Variants in FBXO28 observed in about 807,000 individuals in gnomAD.
The protein encoded by FBXO28 is F-box only protein 28.
Under a neutral mutation model 38.1 loss-of-function variants are expected in FBXO28, and 8 were observed. The observed-to-expected ratio is 0.21, with a 90% CI of 0.12 to 0.38. The LOEUF (loss-of-function observed/expected upper bound fraction) is 0.38. Ranked by LOEUF, FBXO28 falls within the 10% of genes least tolerant of loss-of-function variation. FBXO28 has a pLI of 1.00. For synonymous variants in FBXO28, 168 were observed against 173.8 expected (o/e 0.97, Z 0.26); for missense variants, 345 against 460.6 (o/e 0.75, Z 2.30).
intron 3 of FBXO28, among the ~76,000 whole-genome samples, chr1:224,149,748 T>C (rs1292552712): frequency 6.6e-6 from 1 of 152,170 alleles, no homozygotes; most frequent in African/African-American, 2.4e-5. Flanking sequence ...AATTGTAATG[T>C]GTGTTCTGAA....
intron 2 of FBXO28, chr1:224,130,782 A>G: frequency 2.2e-6 from 1 of 457,604 alleles, no homozygotes; most frequent in South Asian, 3.3e-5. Context: ...AGCCAGAGAA[A>G]TTAGGCAAGA....
At chr1:224,141,981 T>G (rs1224146713) in intron 3 of FBXO28, among the ~76,000 whole-genome samples, 1 of 151,726 alleles carries the variant, frequency 6.6e-6, no homozygotes, top group African/African-American at 2.4e-5. Flanking sequence ...CGTGACCTCC[T>G]AGACTCAAGA....
At chr1:224,139,764 G>GCGTGCATACATACATA (rs1553290701) in intron 3 of FBXO28, among the ~76,000 whole-genome samples, 1 of 145,936 alleles carries the variant, frequency 6.9e-6, no homozygotes, top group African/African-American at 2.6e-5. Context: ...ATGCATGCAT[G>GCGTGCATACATACATA]CATACATACA....
chr1:224,120,850 C>T (rs1435428520), intron 1 of FBXO28, among the ~76,000 whole-genome samples: 16 of 123,680 alleles, frequency 1.3e-4, no homozygotes, highest in African/African-American at 3.8e-4. Flanking sequence ...GCAACAAGAG[C>T]GAAACTCCAT....
chr1:224,121,803 G>A lies in FBXO28; in HGVS notation c.267+7407G>A, dbSNP rs556963428. On this transcript the variant is annotated intron_variant, in intron 1 of 4. Coordinates refer to ENST00000366862, the MANE Select transcript of FBXO28 (RefSeq NM_015176.4). Reference sequence around the variant, plus strand: ...ATTTTTTTTTTTTAGACTGAGTCTCGCTCGCTCTGTCGCCCAGGCTGGAGT... The same window carrying A: ...ATTTTTTTTTTTTAGACTGAGTCTCACTCGCTCTGTCGCCCAGGCTGGAGT... Among the ~76,000 whole-genome samples the A allele has an allele frequency of 6.6e-5, 10 of 151,088 alleles. No homozygotes were observed. The East Asian group carries it at 7.8e-4, about 12-fold the overall frequency.
intron 1 of FBXO28, among the ~76,000 whole-genome samples, chr1:224,114,609 C>T (rs1386315563): frequency 6.6e-6 from 1 of 152,260 alleles, no homozygotes; most frequent in African/African-American, 2.4e-5. Context: ...GCTGGGGTTA[C>T]TTCCTGAGGG....
intron 1 of FBXO28, among the ~76,000 whole-genome samples, chr1:224,119,043 G>T (rs1656709754): frequency 1.3e-5 from 2 of 151,986 alleles, no homozygotes; most frequent in Non-Finnish European, 2.9e-5. Context: ...GGACCCTGGG[G>T]ATCTCCCACT....
intron 1 of FBXO28, among the ~76,000 whole-genome samples, chr1:224,118,670 GT>G (rs145883399): frequency 0.018 from 2,778 of 152,226 alleles, 90 homozygotes; most frequent in African/African-American, 0.06. Context: ...GAGTGGGTTG[GT>G]TGGTAGGAAA....
rs1383736916 is a variant in FBXO28, at chr1:224,153,184, A to G, written c.559A>G (p.Thr187Ala). The change falls in exon 4 of 5, where the codon ACC becomes GCC. Residue 187 changes from threonine to alanine, a missense_variant. This residue lies in a region of FBXO28 where 24 missense variants were observed against 24.6 expected (regional missense o/e 0.98). Transcript: ENST00000366862. Reference protein sequence around the residue: ...IYRVLRYVNSTRAPQRAHEVL... With the variant: ...IYRVLRYVNSARAPQRAHEVL... The stretch of plus-strand genomic sequence containing the variant: ...TCGTGTGTTGAGATATGTCAATTCT[A>G]CCAGAGCCCCTCAACGAGCTCATGA... The G allele has an allele frequency of 6.2e-7, 1 of 1,609,450 alleles. No homozygotes were observed. The highest frequency in any genetic ancestry group is 1.1e-5 in the South Asian group (1 of 89,106).
intron 3 of FBXO28, 99 bp downstream of exon 3, chr1:224,134,311 A>G (rs1657124936): frequency 1.7e-6 from 2 of 1,198,942 alleles, no homozygotes; most frequent in Non-Finnish European, 2.4e-6. Flanking sequence ...AATTGTTTCT[A>G]CTTCTCTGAG....
rs1657816547 is a variant in FBXO28, at chr1:224,158,254, G to C, written c.*508G>C. 3.1e-6 allele frequency: 3 copies of C among 983,530 alleles called. No homozygotes were observed. The highest frequency in any genetic ancestry group is 3.6e-6 in the Non-Finnish European group (3 of 827,918). 60.9% of individuals were successfully genotyped at this position (983,530 alleles called of 1,614,324 possible). ...GTAGTTAATGCTTTTTGGTATTGAAGTAATGGGTAACTAAAATGGACTTCC... is the reference window on the plus strand; with the variant it reads ...GTAGTTAATGCTTTTTGGTATTGAACTAATGGGTAACTAAAATGGACTTCC... On this transcript the variant is annotated 3_prime_UTR_variant, in exon 5 of 5. Coordinates refer to ENST00000366862, the MANE Select transcript of FBXO28 (RefSeq NM_015176.4).
chr1:224,136,882 G>C (rs1558191653), intron 3 of FBXO28, among the ~76,000 whole-genome samples: 1 of 151,370 alleles, frequency 6.6e-6, no homozygotes, highest in Non-Finnish European at 1.5e-5. Flanking sequence ...CTCCCAAGTA[G>C]CTGAGACTAC....
In FBXO28 at chr1:224,147,826, CAAAAAAAA is replaced by C. The variant is rs3065995; in HGVS notation, c.517-5304_517-5297del. ...ATTACATTCTCGTTAATGTAATTTG[CAAAAAAAA>C]AAAAAAAAAAAGATTAAATCTACTC... On this transcript the variant is annotated intron_variant, in intron 3 of 4. Coordinates refer to ENST00000366862, the MANE Select transcript of FBXO28 (RefSeq NM_015176.4). Among the ~76,000 whole-genome samples, 10 of 127,862 alleles carry C rather than the reference CAAAAAAAA, an allele frequency of 7.8e-5. 1 individual carries two copies. Among genetic ancestry groups the C allele is most frequent in the South Asian group, 2.6e-4 (1 of 3,894 alleles). The allele number at this position is 127,862 out of a possible 152,430, so 83.9% of individuals were successfully genotyped here.
rs908961347 is a variant in FBXO28, at chr1:224,133,950, C to G, written c.378-124C>G. ...TCATCATTACAGTTAAATTATGACC[C>G]AACTGTAGATTTCTAAATTAACATG... On this transcript the variant is annotated intron_variant, in intron 2 of 4. Transcript: ENST00000366862. The G allele has an allele frequency of 4.7e-6, 3 of 632,706 alleles. No homozygotes were observed. The African/African-American group carries it at 5.8e-5, about 12-fold the overall frequency. 39.2% of individuals were successfully genotyped at this position (632,706 alleles called of 1,614,324 possible).
intron 4 of FBXO28, among the ~76,000 whole-genome samples, chr1:224,155,351 G>GA (rs1037338118): frequency 6.6e-5 from 10 of 151,938 alleles, no homozygotes; most frequent in African/African-American, 2.4e-4. Flanking sequence ...TTTTTTAGTA[G>GA]AAACAGGGTT....
chr1:224,150,549 G>A (rs368093522), intron 3 of FBXO28, among the ~76,000 whole-genome samples: 1 of 151,942 alleles, frequency 6.6e-6, no homozygotes, highest in Non-Finnish European at 1.5e-5. Context: ...GCTTTGAGTA[G>A]CTAGCTTCCA....
chr1:224,130,655 A>T, intron 2 of FBXO28, 74 bp downstream of exon 2: 1 of 950,336 alleles, frequency 1.1e-6, no homozygotes, highest in Non-Finnish European at 1.7e-6. Flanking sequence ...TTTCAGTCTC[A>T]TGGTTTACAT....
Position 224,160,329 on chromosome 1 carries a change from C to A in FBXO28, c.*2583C>A, listed in dbSNP as rs1225495926. The stretch of plus-strand genomic sequence containing the variant: ...TAAATACTGCGTGTTGTTAATATTG[C>A]GTTGTCTTAGTGCAACATTTCTTAA... On this transcript the variant is annotated 3_prime_UTR_variant, in exon 5 of 5. Transcript: ENST00000366862. 6.6e-6 allele frequency: 1 copy of A among 152,178 alleles called. No individual in the cohort carries two copies. The highest frequency in any genetic ancestry group is 6.5e-5 in the Admixed American group (1 of 15,270). 9.4% of individuals were successfully genotyped at this position (152,178 alleles called of 1,614,324 possible).
In FBXO28 at chr1:224,136,101, G is replaced by GTTTTTTTTTTTTTTTTTTT. The variant is rs397982996; in HGVS notation, c.516+1891_516+1909dup. On this transcript the variant is annotated intron_variant, in intron 3 of 4. Transcript: ENST00000366862. ...TTTTGGAAACCATTTGTTGACTTCA[G>GTTTTTTTTTTTTTTTTTTT]TTTTTTTTTTTTTTTTTTTTGAGAT... Among the ~76,000 whole-genome samples, 14 of 75,128 alleles carry GTTTTTTTTTTTTTTTTTTT rather than the reference G, an allele frequency of 1.9e-4. 5 individuals are homozygous for GTTTTTTTTTTTTTTTTTTT. Among genetic ancestry groups the GTTTTTTTTTTTTTTTTTTT allele is most frequent in the African/African-American group, 5.6e-4 (10 of 17,990 alleles). The allele number at this position is 75,128 out of a possible 152,430, so 49.3% of individuals were successfully genotyped here. A position where few individuals can be genotyped will look rare whatever the true frequency, so the allele number is the denominator to read the frequency against.
Sources: gnomAD v4.1 joint callset for allele counts (sites outside exome capture counted in the v4.1 genomes callset) on GRCh38, gnomAD v4.1.1 for gene constraint, gnomAD v4.1.1 regional missense constraint, MANE v1.5 for transcripts, NCBI Gene and HGNC (gene_info 2026-07-23, HGNC 2026-07-21) for gene names.